Variants in MIPOL1 observed in about 807,000 individuals in gnomAD.
The protein encoded by MIPOL1 is mirror-image polydactyly gene 1 protein.
Under a neutral mutation model 60.9 loss-of-function variants are expected in MIPOL1, and 57 were observed. The ratio of observed to expected loss-of-function variants is 0.94; its 90% CI spans 0.76 to 1.17. The LOEUF (loss-of-function observed/expected upper bound fraction) is 1.17, where lower values mean the gene tolerates loss of function less well. Among genes scored for constraint, MIPOL1 ranks in the 50% most tolerant of loss-of-function variants. The pLI is 0.00. For synonymous variants in MIPOL1, 179 were observed against 168.8 expected (o/e 1.06, Z -0.47); for missense variants, 551 against 511.6 (o/e 1.08, Z -0.74).
At chr14:37,394,735 G>A (rs540432297) in intron 10 of MIPOL1, among the ~76,000 whole-genome samples, 10 of 152,096 alleles carry the variant, frequency 6.6e-5, no homozygotes, top group African/African-American at 2.2e-4. Context: ...TCTGCTGACC[G>A]TTCCTTTTGC....
At chr14:37,447,558 C>T (rs1013811568) in intron 11 of MIPOL1, among the ~76,000 whole-genome samples, 10 of 152,144 alleles carry the variant, frequency 6.6e-5, no homozygotes, top group African/African-American at 2.4e-4. Flanking sequence ...AGGCACTCAC[C>T]AGGCACTGAA....
chr14:37,505,800 A>T (rs575551448), intron 12 of MIPOL1: 34 of 152,348 alleles, frequency 2.2e-4, no homozygotes, highest in African/African-American at 7.9e-4. Flanking sequence ...AATTAAGAAA[A>T]GAGGAAGTCA....
intron 11 of MIPOL1, among the ~76,000 whole-genome samples, chr14:37,476,874 A>T: frequency 6.8e-6 from 1 of 147,444 alleles, no homozygotes. Flanking sequence ...CTGGTTTGTA[A>T]GTTTTACTTT....
At chr14:37,204,669 T>C (rs1965810494) in intron 1 of MIPOL1, among the ~76,000 whole-genome samples, 1 of 152,174 alleles carries the variant, frequency 6.6e-6, no homozygotes, top group South Asian at 2.1e-4. Context: ...TTAAACCTCT[T>C]TCTTTTGTAA....
At chr14:37,358,293 A>G (rs934303161) in intron 9 of MIPOL1, among the ~76,000 whole-genome samples, 4 of 152,162 alleles carry the variant, frequency 2.6e-5, no homozygotes, top group Non-Finnish European at 5.9e-5. Flanking sequence ...GTGCTGCAAT[A>G]AACATACCTG....
chr14:37,319,427 C>T (rs1436330023), intron 9 of MIPOL1, among the ~76,000 whole-genome samples: 1 of 152,104 alleles, frequency 6.6e-6, no homozygotes, highest in South Asian at 2.1e-4. Context: ...ACTTAATTCT[C>T]TAGGCAATGT....
intron 7 of MIPOL1, among the ~76,000 whole-genome samples, chr14:37,296,712 G>C (rs1439887338): frequency 6.6e-6 from 1 of 152,090 alleles, no homozygotes; most frequent in Admixed American, 6.6e-5. Context: ...TAGAAGAAAT[G>C]GATAAATTCC....
intron 11 of MIPOL1, among the ~76,000 whole-genome samples, chr14:37,428,903 T>C (rs929454752): frequency 3.3e-5 from 5 of 152,154 alleles, no homozygotes; most frequent in Non-Finnish European, 7.3e-5. Context: ...GATATTAAAC[T>C]TACCACTGTA....
chr14:37,283,363 G>A (rs1267416134), intron 6 of MIPOL1, among the ~76,000 whole-genome samples: 4 of 151,796 alleles, frequency 2.6e-5, no homozygotes, highest in African/African-American at 9.7e-5. Flanking sequence ...CACCACGCCT[G>A]GCGCCTCATG....
At chr14:37,259,152 T>G (rs1348232015) in intron 3 of MIPOL1, among the ~76,000 whole-genome samples, 1 of 152,096 alleles carries the variant, frequency 6.6e-6, no homozygotes. Context: ...GATTATCTGG[T>G]TTTTCAACCT....
rs554635269 is a variant in MIPOL1 at position 37,389,221 on chromosome 14, G to A, written c.936+19597G>A. On this transcript the variant is annotated intron_variant, in intron 10 of 12. Transcript: ENST00000684589. Reference sequence around the variant, plus strand: ...CCTACCAGAAACACTAAAAAAGAATGAAGGGTGGTAAAAAAAAACAAAAAA... The same window carrying A: ...CCTACCAGAAACACTAAAAAAGAATAAAGGGTGGTAAAAAAAAACAAAAAA... 1.0e-3 allele frequency among the ~76,000 whole-genome samples: 153 copies of A among 150,194 alleles called. No homozygotes were observed. In the South Asian group the frequency reaches 0.013, roughly 12 times the overall value.
chr14:37,482,103 T>A (rs996238820), intron 11 of MIPOL1, among the ~76,000 whole-genome samples: 3 of 152,180 alleles, frequency 2.0e-5, no homozygotes, highest in Non-Finnish European at 4.4e-5. Context: ...AAAAAGCTTC[T>A]GTACATCAAA....
At chr14:37,273,706 A>T (rs1458195561) in intron 6 of MIPOL1, among the ~76,000 whole-genome samples, 1 of 151,368 alleles carries the variant, frequency 6.6e-6, no homozygotes, top group East Asian at 1.9e-4. Context: ...AGTCACATTG[A>T]TCCAGGTTCA....
chr14:37,347,493 T>C (rs1466969506), intron 9 of MIPOL1, among the ~76,000 whole-genome samples: 2 of 152,158 alleles, frequency 1.3e-5, no homozygotes, highest in Non-Finnish European at 2.9e-5. Context: ...AAAAATGAGT[T>C]GTAGATCTAA....
At chr14:37,382,769 A>C (rs1412645377) in intron 10 of MIPOL1, among the ~76,000 whole-genome samples, 1 of 151,898 alleles carries the variant, frequency 6.6e-6, no homozygotes, top group Non-Finnish European at 1.5e-5. Flanking sequence ...TCTCTCATCA[A>C]ATCCCCTTAA....
chr14:37,370,471 A>G (rs2092609299), intron 10 of MIPOL1, among the ~76,000 whole-genome samples: 1 of 152,198 alleles, frequency 6.6e-6, no homozygotes, highest in Non-Finnish European at 1.5e-5. Context: ...AGAATATTAT[A>G]TTCTACTTTG....
intron 1 of MIPOL1, among the ~76,000 whole-genome samples, chr14:37,206,217 A>G (rs1391941943): frequency 6.6e-6 from 1 of 152,104 alleles, no homozygotes; most frequent in Non-Finnish European, 1.5e-5. Context: ...TCCCCATGCT[A>G]TGTCCAAGGA....
chr14:37,242,129 C>T (rs1040425776), intron 1 of MIPOL1, among the ~76,000 whole-genome samples: 4 of 150,876 alleles, frequency 2.7e-5, no homozygotes, highest in African/African-American at 9.8e-5. Flanking sequence ...CTATTAAATT[C>T]CATATTATTT....
intron 10 of MIPOL1, among the ~76,000 whole-genome samples, chr14:37,403,489 T>C (rs1487284611): frequency 2.7e-5 from 4 of 145,754 alleles, no homozygotes; most frequent in Non-Finnish European, 6.0e-5. Context: ...TTGCAGAGTC[T>C]GGTTTTGAAC....
Sources: gnomAD v4.1 joint callset for allele counts (sites outside exome capture counted in the v4.1 genomes callset) on GRCh38, gnomAD v4.1.1 for gene constraint, MANE v1.5 for transcripts, NCBI Gene and HGNC (gene_info 2026-07-23, HGNC 2026-07-21) for gene names.